LPGAT1: variants seen among roughly 807,000 people sequenced by gnomAD.
LPGAT1 encodes lysophosphatidylglycerol acyltransferase 1.
A neutral mutation model predicts 47.5 loss-of-function variants in LPGAT1; 11 were observed. That is an observed-to-expected ratio of 0.23 (90% confidence interval 0.15 to 0.38). LPGAT1 has a LOEUF of 0.38. Ranked by LOEUF, LPGAT1 falls within the 10% of genes least tolerant of loss-of-function variation. The probability of loss-of-function intolerance (pLI) is 1.00; values close to 1 mark genes in which losing one functional copy is unlikely to be tolerated. For synonymous variants in LPGAT1, 138 were observed against 144.2 expected (o/e 0.96, Z 0.31); for missense variants, 293 against 439.0 (o/e 0.67, Z 2.97).
At chr1:211,757,115 G>A (rs1247145386) in intron 6 of LPGAT1, among the ~76,000 whole-genome samples, 1 of 152,020 alleles carries the variant, frequency 6.6e-6, no homozygotes, top group Admixed American at 6.6e-5. Context: ...AAATTAGCCA[G>A]ATGTGGTGGC....
Position 211,749,106 on chromosome 1 carries a change from C to G in LPGAT1, c.*793G>C, listed in dbSNP as rs1254401258. The G allele has an allele frequency of 1.3e-5, 2 of 152,692 alleles. No individual in the cohort carries two copies. Among genetic ancestry groups the G allele is most frequent in the African/African-American group, 4.8e-5 (2 of 41,468 alleles). The allele number at this position is 152,692 out of a possible 1,614,324, so 9.5% of individuals were successfully genotyped here. On this transcript the variant is annotated 3_prime_UTR_variant, in exon 8 of 8. Coordinates refer to ENST00000366997, the MANE Select transcript of LPGAT1 (RefSeq NM_014873.3). ...AGACAGTTCTCGAGAACCTCACACA[C>G]TGCTATGCTCCCATTTGTTTTCAGG...
At chr1:211,825,969 A>G (rs1194139767) in intron 2 of LPGAT1, among the ~76,000 whole-genome samples, 1 of 152,188 alleles carries the variant, frequency 6.6e-6, no homozygotes, top group Admixed American at 6.5e-5. Context: ...CAAAAAAAAA[A>G]AGGAAAATGT....
intron 3 of LPGAT1, among the ~76,000 whole-genome samples, chr1:211,788,377 G>A (rs1025523226): frequency 3.9e-5 from 6 of 151,966 alleles, no homozygotes; most frequent in Non-Finnish European, 5.9e-5. Flanking sequence ...TTTCTTTCAC[G>A]CAAATTTAAA....
At position 211,830,596 on chromosome 1, in the gene LPGAT1, G is replaced by C; in HGVS notation, c.-51C>G. 8.7e-7 allele frequency: 1 copy of C among 1,149,810 alleles called. No homozygotes were observed. The highest frequency in any genetic ancestry group is 1.6e-5 in the African/African-American group (1 of 60,644). 71.2% of individuals were successfully genotyped at this position (1,149,810 alleles called of 1,614,324 possible). On this transcript the variant is annotated 5_prime_UTR_variant, in exon 1 of 8. Coordinates refer to ENST00000366997, the MANE Select transcript of LPGAT1 (RefSeq NM_014873.3). This position sits in a 1 kb window ranked among gnomAD's most constrained non-coding sequence, Gnocchi z 5.9. ...ACCTCGGGCTGGCCGGGCCCCAGCC[G>C]GGGCTTTGGGAGTCAGAGGAGCCGG...
chr1:211,800,500 G>A (rs980928706), intron 2 of LPGAT1, among the ~76,000 whole-genome samples: 3 of 152,156 alleles, frequency 2.0e-5, no homozygotes, highest in Non-Finnish European at 2.9e-5. Context: ...AATTAGGGAA[G>A]AGCAGGAAAA....
Position 211,745,832 on chromosome 1 carries a change from T to G in LPGAT1, c.*4067A>C, listed in dbSNP as rs1656920301. ...ATATTAGTCTCTACCCTTCCTGCTA[T>G]CCACTGCTGCTTTTGACTTTGTCCT... On this transcript the variant is annotated 3_prime_UTR_variant, in exon 8 of 8. Coordinates refer to ENST00000366997, the MANE Select transcript of LPGAT1 (RefSeq NM_014873.3). 2 of 152,674 alleles carry G rather than the reference T, an allele frequency of 1.3e-5. No individual in the cohort carries two copies. Among genetic ancestry groups the G allele is most frequent in the African/African-American group, 4.8e-5 (2 of 41,458 alleles). The allele number at this position is 152,674 out of a possible 1,614,324, so 9.5% of individuals were successfully genotyped here. A position where few individuals can be genotyped will look rare whatever the true frequency, so the allele number is the denominator to read the frequency against.
chr1:211,789,869 C>CAAAA (rs10651480), intron 3 of LPGAT1, among the ~76,000 whole-genome samples: 37,683 of 137,718 alleles, frequency 0.27, 6,622 homozygotes, highest in Non-Finnish European at 0.39. Context: ...GACTCTGTCT[C>CAAAA]AAAAAAAAAA....
chr1:211,762,383 C>A (rs541680792), intron 6 of LPGAT1, among the ~76,000 whole-genome samples: 1 of 152,298 alleles, frequency 6.6e-6, no homozygotes, highest in South Asian at 2.1e-4. Flanking sequence ...CCTCTTCTAC[C>A]ATCTGCCCAG....
intron 2 of LPGAT1, among the ~76,000 whole-genome samples, chr1:211,819,375 G>C (rs914379480): frequency 6.6e-6 from 1 of 152,040 alleles, no homozygotes; most frequent in Non-Finnish European, 1.5e-5. Context: ...CATGCCTGTC[G>C]TCTTAGCTAC....
Position 211,830,490 on chromosome 1 carries a change from C to T in LPGAT1, c.-28+83G>A, listed in dbSNP as rs1042698487. On this transcript the variant is annotated intron_variant, in intron 1 of 7. Transcript: ENST00000366997. The surrounding 1 kb of genome is among the most constrained non-coding windows in gnomAD (Gnocchi z 5.9). ...GCCTCCCCGGGCCACGCGACGACGA[C>T]ACCCCCTTCCCCGCCCCCAGCGCCT... 1.3e-4 allele frequency: 159 copies of T among 1,191,120 alleles called. No individual in the cohort carries two copies. The African/African-American group carries it at 2.4e-3, about 18-fold the overall frequency. 73.8% of individuals were successfully genotyped at this position (1,191,120 alleles called of 1,614,324 possible).
intron 2 of LPGAT1, among the ~76,000 whole-genome samples, chr1:211,794,513 C>T (rs1055258650): frequency 2.0e-5 from 3 of 152,042 alleles, no homozygotes; most frequent in Non-Finnish European, 4.4e-5. Flanking sequence ...GCCATGTTGC[C>T]CAGGCTGATC....
chr1:211,791,996 T>C (rs1323038420), intron 3 of LPGAT1: 2 of 151,484 alleles, frequency 1.3e-5, no homozygotes, highest in African/African-American at 4.8e-5. Context: ...CATAACCTCT[T>C]TAACTTCTAA....
chr1:211,781,106 T>C (rs1268477266), intron 5 of LPGAT1, among the ~76,000 whole-genome samples: 5 of 152,080 alleles, frequency 3.3e-5, no homozygotes. Context: ...GAAAATAAAA[T>C]GCAAAATACC....
intron 1 of LPGAT1, chr1:211,829,869 CT>C (rs5780661): frequency 4.0e-4 from 361 of 911,696 alleles, no homozygotes; most frequent in African/African-American, 2.7e-3. Context: ...TTTTGTTTCC[CT>C]TTTTTTTTTA....
intron 2 of LPGAT1, among the ~76,000 whole-genome samples, chr1:211,800,069 C>A (rs529676497): frequency 1.7e-3 from 230 of 135,108 alleles, no homozygotes; most frequent in African/African-American, 5.6e-3. Context: ...GAGTCTCGCT[C>A]TATTGCCCAG....
At position 211,800,908 on chromosome 1, in the gene LPGAT1, G is replaced by A. The variant is rs552126139; in HGVS notation, c.239-7718C>T. Reference sequence around the variant, plus strand: ...CCCACTAAGCTCCCAGGATATGGCAGCCAAGAGTTTGGAACAATCTCCTCT... The same window carrying A: ...CCCACTAAGCTCCCAGGATATGGCAACCAAGAGTTTGGAACAATCTCCTCT... On this transcript the variant is annotated intron_variant, in intron 2 of 7. Coordinates refer to ENST00000366997, the MANE Select transcript of LPGAT1 (RefSeq NM_014873.3). Among the ~76,000 whole-genome samples, 4 of 152,300 alleles carry A rather than the reference G, an allele frequency of 2.6e-5. No homozygotes were observed. The South Asian group carries it at 8.3e-4, about 32-fold the overall frequency.
intron 2 of LPGAT1, among the ~76,000 whole-genome samples, chr1:211,815,247 A>T (rs1389180238): frequency 6.6e-6 from 1 of 152,160 alleles, no homozygotes; most frequent in Non-Finnish European, 1.5e-5. Flanking sequence ...CTAAATTTTT[A>T]AATTTTTAAA....
intron 6 of LPGAT1, among the ~76,000 whole-genome samples, chr1:211,776,818 G>C (rs185686485): frequency 6.6e-6 from 1 of 150,924 alleles, no homozygotes; most frequent in South Asian, 2.1e-4. Context: ...AAGCCAACAC[G>C]AAACAAAACT....
At chr1:211,793,312 G>A (rs965949757) in intron 2 of LPGAT1, 122 bp from the exon 3 acceptor site, 3 of 546,568 alleles carry the variant, frequency 5.5e-6, no homozygotes, top group Admixed American at 3.2e-5. Flanking sequence ...ACATCCGAAA[G>A]TTTAGAACTA....
Sources: allele counts gnomAD v4.1 joint callset (sites outside exome capture counted in the v4.1 genomes callset), GRCh38; gene constraint gnomAD v4.1.1; non-coding constraint Gnocchi (gnomAD v3.1); transcripts MANE v1.5; gene names NCBI Gene and HGNC (gene_info 2026-07-23, HGNC 2026-07-21).